The following IFNAR2 variants were observed in gnomAD, a reference collection of about 807,000 sequenced individuals.
The protein encoded by IFNAR2 is interferon alpha and beta receptor subunit 2, also known as interferon alpha/beta receptor 2.
Under a neutral mutation model 49.4 loss-of-function variants are expected in IFNAR2, and 30 were observed. The observed-to-expected ratio is 0.61, with a 90% CI of 0.45 to 0.82. IFNAR2 has a LOEUF of 0.82. IFNAR2 is among the 40% of genes least tolerant of loss of function. IFNAR2 has a pLI of 0.00. For missense variants in IFNAR2, 600 were observed against 622.7 expected (o/e 0.96, Z 0.39); for synonymous variants, 224 against 234.5 (o/e 0.96, Z 0.41).
chr21:33,250,273 T>G (rs1219932407), intron 6 of IFNAR2, among the ~76,000 whole-genome samples: 1 of 152,228 alleles, frequency 6.6e-6, no homozygotes, highest in Non-Finnish European at 1.5e-5. Flanking sequence ...GTCTCGTTTG[T>G]GTTCACCCCA....
intron 7 of IFNAR2, among the ~76,000 whole-genome samples, chr21:33,258,725 G>A (rs1054944706): frequency 2.0e-5 from 3 of 152,142 alleles, no homozygotes; most frequent in East Asian, 1.9e-4. Context: ...GGCACGGCAC[G>A]GCAGGAGTGA....
intron 1 of IFNAR2, among the ~76,000 whole-genome samples, chr21:33,233,483 A>G (rs946574677): frequency 5.3e-5 from 8 of 152,244 alleles, no homozygotes; most frequent in Admixed American, 2.0e-4. Context: ...CGGAAGCACT[A>G]CGATATCTTA....
intron 7 of IFNAR2, among the ~76,000 whole-genome samples, chr21:33,253,446 C>T (rs1260087509): frequency 6.6e-6 from 1 of 152,140 alleles, no homozygotes; most frequent in Non-Finnish European, 1.5e-5. Flanking sequence ...AGCCAAGTTT[C>T]CACCTGTTTT....
chr21:33,255,469 C>G (rs11701402), intron 7 of IFNAR2, among the ~76,000 whole-genome samples: 91,492 of 152,038 alleles, frequency 0.6, 28,080 homozygotes, highest in Non-Finnish European at 0.68. Context: ...ACTCACAGAA[C>G]TCAGGAAAGT....
Position 33,262,947 on chromosome 21 carries a change from C to G in IFNAR2, c.995C>G (p.Thr332Arg), listed in dbSNP as rs763923992. The G allele has an allele frequency of 4.3e-6, 7 of 1,614,150 alleles. No homozygotes were observed. The highest frequency in any genetic ancestry group is 1.3e-5 in the African/African-American group (1 of 75,036). ...AGCGATACTGAGGCAGCGCCCAGGA[C>G]AAGTGGCGGTGGCTATACCATGCAT... ...SDSDTEAAPR[T>R]SGGGYTMHGL... The change falls in exon 9 of 9, where the codon ACA becomes AGA. Residue 332 changes from threonine (T) to arginine (R), a missense_variant. Transcript: ENST00000342136.
intron 5 of IFNAR2, among the ~76,000 whole-genome samples, chr21:33,248,417 A>T (rs1011012612): frequency 7.2e-5 from 11 of 152,048 alleles, no homozygotes; most frequent in Admixed American, 6.6e-4. Context: ...AGAGAGAAAG[A>T]GAAAAGAAAG....
At chr21:33,233,740 C>T (rs761439896) in intron 1 of IFNAR2, among the ~76,000 whole-genome samples, 6 of 151,736 alleles carry the variant, frequency 4.0e-5, no homozygotes, top group Non-Finnish European at 7.4e-5. Flanking sequence ...TAATAAAATC[C>T]AGGAAATAGC....
At chr21:33,252,081 CATCTATCTATCTATCT>C (rs61192253) in intron 6 of IFNAR2, 13 of 380,962 alleles carry the variant, frequency 3.4e-5, no homozygotes, top group Non-Finnish European at 4.4e-5. Context: ...AGACCCCATC[CATCTATCTATCTATCT>C]ATCTATCTAT....
chr21:33,243,618 G>A lies in IFNAR2; in HGVS notation c.56-55G>A, dbSNP rs1987161241. The A allele has an allele frequency of 3.5e-6, 5 of 1,439,276 alleles. No homozygotes were observed. In the South Asian group the frequency reaches 4.6e-5, roughly 13 times the overall value. The allele number at this position is 1,439,276 out of a possible 1,614,324, so 89.2% of individuals were successfully genotyped here. A position where few individuals can be genotyped will look rare whatever the true frequency, so the allele number is the denominator to read the frequency against. The stretch of plus-strand genomic sequence containing the variant: ...GAATGTCAGACTTAGAGTAATCATT[G>A]CAAGTTGAGCCCAGATAAAACTATT... On this transcript the variant is annotated intron_variant, in intron 2 of 8. Transcript: ENST00000342136.
chr21:33,232,962 T>A, intron 1 of IFNAR2: 1 of 982,966 alleles, frequency 1.0e-6, no homozygotes, highest in Non-Finnish European at 1.2e-6. Flanking sequence ...ACAACGTGGA[T>A]TGCAAGACGT....
At chr21:33,231,099 G>A (rs890010214) in intron 1 of IFNAR2, among the ~76,000 whole-genome samples, 1 of 152,120 alleles carries the variant, frequency 6.6e-6, no homozygotes, top group African/African-American at 2.4e-5. Flanking sequence ...AAGTGCCGGA[G>A]CTGGCTCAGG....
chr21:33,262,907 G>C lies in IFNAR2; in HGVS notation c.955G>C (p.Asp319His). The C allele has an allele frequency of 6.2e-7, 1 of 1,614,140 alleles. No individual in the cohort carries two copies. Among genetic ancestry groups the C allele is most frequent in the Non-Finnish European group, 8.5e-7 (1 of 1,180,014 alleles). The change falls in exon 9 of 9, where the codon GAT becomes CAT. Residue 319 changes from aspartate to histidine, a missense_variant. Coordinates refer to ENST00000342136, the MANE Select transcript of IFNAR2 (RefSeq NM_001289125.3). ...RKKKVWDYNYDDESDSDTEAA... is the reference protein window; with the variant it reads ...RKKKVWDYNYHDESDSDTEAA... ...GAAGAAAGTGTGGGATTATAATTAT[G>C]ATGATGAAAGTGATAGCGATACTGA...
chr21:33,242,282 A>G (rs184162470), intron 2 of IFNAR2, among the ~76,000 whole-genome samples: 2 of 152,296 alleles, frequency 1.3e-5, no homozygotes. Flanking sequence ...TTCCTCCCCA[A>G]TCTTTGATAA....
At chr21:33,236,493 C>G (rs1601787469) in intron 1 of IFNAR2, among the ~76,000 whole-genome samples, 1 of 152,306 alleles carries the variant, frequency 6.6e-6, no homozygotes, top group South Asian at 2.1e-4. Context: ...TCATCCCTGC[C>G]AGACCCAACC....
At chr21:33,245,367 A>G (rs1270663511) in intron 4 of IFNAR2, among the ~76,000 whole-genome samples, 2 of 152,218 alleles carry the variant, frequency 1.3e-5, no homozygotes, top group Non-Finnish European at 2.9e-5. Context: ...ATTCTTGTGT[A>G]TGGGTTAGGC....
intron 1 of IFNAR2, chr21:33,231,705 C>T (rs1986076102): frequency 3.0e-6 from 3 of 983,672 alleles, no homozygotes; most frequent in African/African-American, 1.7e-5. Flanking sequence ...TATCATCTTC[C>T]GTTATCAATC....
At chr21:33,247,899 A>C (rs1464330200) in intron 5 of IFNAR2, among the ~76,000 whole-genome samples, 1 of 152,218 alleles carries the variant, frequency 6.6e-6, no homozygotes, top group Non-Finnish European at 1.5e-5. Flanking sequence ...AACAATTCGG[A>C]TACGACATTT....
At chr21:33,231,564 A>G (rs1986066725) in intron 1 of IFNAR2, among the ~76,000 whole-genome samples, 1 of 152,234 alleles carries the variant, frequency 6.6e-6, no homozygotes, top group African/African-American at 2.4e-5. Flanking sequence ...CCCTAGAGGT[A>G]CTGTCATAGA....
chr21:33,241,627 A>C (rs1440377728), intron 1 of IFNAR2, among the ~76,000 whole-genome samples: 2 of 137,244 alleles, frequency 1.5e-5, no homozygotes, highest in Non-Finnish European at 3.2e-5. Context: ...AAGACTTTTC[A>C]CAATTTTTTT....
Sources: allele counts gnomAD v4.1 joint callset (sites outside exome capture counted in the v4.1 genomes callset), GRCh38; gene constraint gnomAD v4.1.1; transcripts MANE v1.5; gene names NCBI Gene and HGNC (gene_info 2026-07-23, HGNC 2026-07-21).